Variants in ASAP2 observed in about 807,000 individuals in gnomAD.
The protein encoded by ASAP2 is ArfGAP with SH3 domain, ankyrin repeat and PH domain 2, also known as arf-GAP with SH3 domain, ANK repeat and PH domain-containing protein 2.
ASAP2 carries 45 observed loss-of-function variants against 131.4 expected under a neutral mutation model. The ratio of observed to expected loss-of-function variants is 0.34; its 90% CI spans 0.27 to 0.44. The LOEUF is 0.44. Among genes scored for constraint, ASAP2 ranks in the 20% least tolerant of loss-of-function variants. ASAP2 has a pLI of 1.00. For synonymous variants in ASAP2, 510 were observed against 503.0 expected (o/e 1.01, Z -0.19); for missense variants, 1,011 against 1,297.0 (o/e 0.78, Z 3.39).
At chr2:9,342,834 C>T (rs944639593) in intron 9 of ASAP2, among the ~76,000 whole-genome samples, 13 of 152,338 alleles carry the variant, frequency 8.5e-5, no homozygotes, top group South Asian at 2.1e-4. Flanking sequence ...GTGCTGACCA[C>T]GTGACCGTGA....
rs1367347384 is a variant in ASAP2 at position 9,392,752 on chromosome 2, C to T, written c.2519-730C>T. ...CCTCATTCTTCCTGGCTTTTCCTGG[C>T]AGAGGGAAACCCAGCGCCTTATGTG... On this transcript the variant is annotated intron_variant, in intron 23 of 27. Coordinates refer to ENST00000281419, the MANE Select transcript of ASAP2 (RefSeq NM_003887.3). The surrounding 1 kb of genome is among the most constrained non-coding windows in gnomAD (Gnocchi z 4.0). 6.6e-6 allele frequency among the ~76,000 whole-genome samples: 1 copy of T among 152,180 alleles called. No individual in the cohort carries two copies. Among genetic ancestry groups the T allele is most frequent in the African/African-American group, 2.4e-5 (1 of 41,440 alleles).
chr2:9,331,519 G>A (rs1365217214), intron 7 of ASAP2, among the ~76,000 whole-genome samples: 1 of 152,158 alleles, frequency 6.6e-6, no homozygotes, highest in East Asian at 1.9e-4. Flanking sequence ...TGAAATCCCA[G>A]CACTTTGGGA....
intron 1 of ASAP2, among the ~76,000 whole-genome samples, chr2:9,224,613 T>C (rs961699029): frequency 6.6e-6 from 1 of 152,220 alleles, no homozygotes; most frequent in Non-Finnish European, 1.5e-5. Context: ...CTATAAACCA[T>C]CCCAATTAAT....
intron 1 of ASAP2, among the ~76,000 whole-genome samples, chr2:9,236,314 T>C (rs1348738723): frequency 3.3e-5 from 5 of 152,184 alleles, no homozygotes; most frequent in Admixed American, 3.3e-4. Context: ...TCGGGCCACT[T>C]GAATATATTA....
chr2:9,367,978 A>G (rs1272356796), intron 15 of ASAP2, among the ~76,000 whole-genome samples: 1 of 152,222 alleles, frequency 6.6e-6, no homozygotes, highest in Non-Finnish European at 1.5e-5. Flanking sequence ...CACAGCCGGT[A>G]ATGGAGCTGT....
chr2:9,322,579 C>A (rs1297780200), intron 5 of ASAP2, among the ~76,000 whole-genome samples: 1 of 152,304 alleles, frequency 6.6e-6, no homozygotes, highest in Non-Finnish European at 1.5e-5. Flanking sequence ...GAACTGCACA[C>A]TCGACATTTA....
chr2:9,237,414 C>CTT (rs35375516), intron 1 of ASAP2, among the ~76,000 whole-genome samples: 3,316 of 131,948 alleles, frequency 0.025, 139 homozygotes, highest in African/African-American at 0.082. Flanking sequence ...GTCTTTTGGT[C>CTT]TTTTTTTTTT....
At chr2:9,321,627 C>T (rs374963036) in intron 5 of ASAP2, among the ~76,000 whole-genome samples, 50 of 152,214 alleles carry the variant, frequency 3.3e-4, no homozygotes, top group Non-Finnish European at 6.6e-4. Flanking sequence ...CACTCAGCCT[C>T]CCTTGCTGCC....
chr2:9,264,753 G>A (rs1166414262), intron 1 of ASAP2, among the ~76,000 whole-genome samples: 1 of 151,958 alleles, frequency 6.6e-6, no homozygotes, highest in Non-Finnish European at 1.5e-5. Context: ...TGCACTTGTG[G>A]GTTTTGCATC....
At chr2:9,310,218 ATC>A (rs1311584202) in intron 3 of ASAP2, among the ~76,000 whole-genome samples, 3 of 152,274 alleles carry the variant, frequency 2.0e-5, no homozygotes, top group Non-Finnish European at 4.4e-5. Context: ...TCGAATTAAA[ATC>A]TCCCCACATT....
intron 18 of ASAP2, among the ~76,000 whole-genome samples, 198 bp downstream of exon 18, chr2:9,377,191 T>G (rs1314215510): frequency 6.6e-6 from 1 of 152,148 alleles, no homozygotes; most frequent in African/African-American, 2.4e-5. Context: ...GAAACTCTTT[T>G]GTGGTAATTG....
chr2:9,354,656 A>AG (rs934314840), intron 12 of ASAP2, among the ~76,000 whole-genome samples: 3 of 151,996 alleles, frequency 2.0e-5, no homozygotes, highest in African/African-American at 2.4e-5. Flanking sequence ...AAAAAAAAAA[A>AG]AAAAAGAAAA....
Position 9,400,253 on chromosome 2 carries a change from C to T in ASAP2, c.2734+181C>T, listed in dbSNP as rs567046776. Among the ~76,000 whole-genome samples, 7 of 132,556 alleles carry T rather than the reference C, an allele frequency of 5.3e-5. No homozygotes were observed. The East Asian group carries it at 1.8e-3, about 35-fold the overall frequency. 87.0% of individuals were successfully genotyped at this position (132,556 alleles called of 152,430 possible). A position where few individuals can be genotyped will look rare whatever the true frequency, so the allele number is the denominator to read the frequency against. ...GCCCCCTCCCCTCCTGCCCCCTTCC[C>T]CTCCTGCCCTCTTCCTCTCCTTCCT... On this transcript the variant is annotated intron_variant, in intron 25 of 27. Transcript: ENST00000281419.
intron 3 of ASAP2, among the ~76,000 whole-genome samples, chr2:9,303,833 C>G (rs142462823): frequency 7.2e-5 from 11 of 152,268 alleles, no homozygotes; most frequent in African/African-American, 2.4e-4. Context: ...TGCTGTGATA[C>G]GGTAACCCCC....
At chr2:9,401,569 C>A (rs1306875244) in intron 27 of ASAP2, among the ~76,000 whole-genome samples, 173 bp downstream of exon 27, 1 of 152,210 alleles carries the variant, frequency 6.6e-6, no homozygotes, top group African/African-American at 2.4e-5. Context: ...TGGACACCCC[C>A]TTCTGAGCAG....
At chr2:9,368,346 A>G in intron 15 of ASAP2, 79 bp from the exon 16 acceptor site, 5 of 1,296,698 alleles carry the variant, frequency 3.9e-6, no homozygotes, top group Non-Finnish European at 4.4e-6. Flanking sequence ...TAAATAAATC[A>G]TCAGATGGGG....
intron 15 of ASAP2, among the ~76,000 whole-genome samples, chr2:9,362,809 A>G (rs1673195701): frequency 6.6e-6 from 1 of 152,158 alleles, no homozygotes; most frequent in South Asian, 2.1e-4. Flanking sequence ...TTGCCACTGC[A>G]CTCCAGCCTG....
chr2:9,392,774 T>C lies in ASAP2; in HGVS notation c.2519-708T>C, dbSNP rs990538992. Among the ~76,000 whole-genome samples the C allele has an allele frequency of 2.0e-5, 3 of 151,982 alleles. No homozygotes were observed. The highest frequency in any genetic ancestry group is 2.1e-4 in the South Asian group (1 of 4,812). On this transcript the variant is annotated intron_variant, in intron 23 of 27. Transcript: ENST00000281419. This position sits in a 1 kb window ranked among gnomAD's most constrained non-coding sequence, Gnocchi z 4.0. ...TGGCAGAGGGAAACCCAGCGCCTTA[T>C]GTGTTACCCATCCTGAGGCCCAGTA...
intron 22 of ASAP2, among the ~76,000 whole-genome samples, chr2:9,390,519 G>C (rs953068578): frequency 6.6e-6 from 1 of 152,208 alleles, no homozygotes; most frequent in Non-Finnish European, 1.5e-5. Context: ...ACCTGAACCT[G>C]ATTGGTGTCA....
Sources: allele counts gnomAD v4.1 joint callset (sites outside exome capture counted in the v4.1 genomes callset), GRCh38; gene constraint gnomAD v4.1.1; non-coding constraint Gnocchi (gnomAD v3.1); transcripts MANE v1.5; gene names NCBI Gene and HGNC (gene_info 2026-07-23, HGNC 2026-07-21).